Variants in LARGE1 observed in about 807,000 individuals in gnomAD.
LARGE1 encodes the protein LARGE xylosyl- and glucuronyltransferase 1.
LARGE1 carries 43 observed loss-of-function variants against 87.6 expected under a neutral mutation model. The ratio of observed to expected loss-of-function variants is 0.49; its 90% CI spans 0.38 to 0.63. The LOEUF is 0.63. LARGE1 is among the 30% of genes least tolerant of loss of function. The pLI, the probability that LARGE1 is intolerant of heterozygous loss-of-function variation, is 0.00. For missense variants in LARGE1, 802 were observed against 1,000.2 expected, an observed-to-expected ratio of 0.80 and a Z score of 2.67; for synonymous variants, 434 against 394.6, an observed-to-expected ratio of 1.10 and a Z score of -1.18.
the LARGE1 span, among the ~76,000 whole-genome samples, chr22:33,070,502 A>C: frequency 0.39 from 59,180 of 151,754 alleles, 11,873 homozygotes; most frequent in African/African-American, 0.47. Flanking sequence ...CCTAAAGCAA[A>C]CAGCACAGCC....
intron 7 of LARGE1, among the ~76,000 whole-genome samples, chr22:33,395,300 T>C (rs1390744255): frequency 1.3e-5 from 2 of 150,168 alleles, no homozygotes; most frequent in African/African-American, 2.5e-5. Context: ...AAGGAAGCTG[T>C]AGGCCTAGGG....
Position 33,482,956 on chromosome 22 carries a change from A to G in LARGE1, c.788-50691T>C, listed in dbSNP as rs554260801. 2.0e-5 allele frequency among the ~76,000 whole-genome samples: 3 copies of G among 152,162 alleles called. No individual in the cohort carries two copies. The South Asian group carries it at 6.2e-4, about 32-fold the overall frequency. On this transcript the variant is annotated intron_variant, in intron 6 of 14. Coordinates refer to ENST00000397394, the MANE Select transcript of LARGE1 (RefSeq NM_133642.5). Reference sequence around the variant, plus strand: ...CTCTACCTGATGCTGGGAAATCAGGAAAGCAGAGATTGCATGCGGGATGGA... The same window carrying G: ...CTCTACCTGATGCTGGGAAATCAGGGAAGCAGAGATTGCATGCGGGATGGA...
At chr22:33,838,884 G>A (rs2063188265) in intron 1 of LARGE1, among the ~76,000 whole-genome samples, 1 of 151,852 alleles carries the variant, frequency 6.6e-6, no homozygotes, top group South Asian at 2.1e-4. Context: ...TATCAGGGAG[G>A]AAAAAAATGA....
chr22:33,116,736 A>G, the LARGE1 span, among the ~76,000 whole-genome samples: 1 of 152,200 alleles, frequency 6.6e-6, no homozygotes, highest in Non-Finnish European at 1.5e-5. Context: ...TTGAAACAAA[A>G]GGGAACATGA....
In LARGE1 at chr22:33,309,414, G is replaced by A. The variant is rs191383395; in HGVS notation, c.1452-4907C>T. Among the ~76,000 whole-genome samples, 6 of 152,266 alleles carry A rather than the reference G, an allele frequency of 3.9e-5. No homozygotes were observed. In the East Asian group the frequency reaches 1.2e-3, roughly 29 times the overall value. ...GCTCCTGACCTCAGGTGATTTGACT[G>A]CCTTGGCCTCCCAAAGTACTGGGAT... On this transcript the variant is annotated intron_variant, in intron 11 of 14. Coordinates refer to ENST00000397394, the MANE Select transcript of LARGE1 (RefSeq NM_133642.5).
chr22:33,799,695 G>C (rs1243373990), intron 1 of LARGE1, among the ~76,000 whole-genome samples: 1 of 152,164 alleles, frequency 6.6e-6, no homozygotes, highest in Non-Finnish European at 1.5e-5. Context: ...GCCTCCCAAA[G>C]TGCTGGGATT....
chr22:33,760,789 G>A (rs1569431703), intron 2 of LARGE1, among the ~76,000 whole-genome samples: 1 of 152,072 alleles, frequency 6.6e-6, no homozygotes, highest in East Asian at 1.9e-4. Flanking sequence ...GTGTGGTGGC[G>A]GGCACCTGTA....
At position 33,868,100 on chromosome 22, in the gene LARGE1, C is replaced by G. The variant is rs537817176; in HGVS notation, c.-83+51895G>C. Among the ~76,000 whole-genome samples the G allele has an allele frequency of 2.6e-5, 4 of 152,290 alleles. No individual in the cohort carries two copies. The South Asian group carries it at 8.3e-4, about 32-fold the overall frequency. On this transcript the variant is annotated intron_variant, in intron 1 of 14. Coordinates refer to ENST00000397394, the MANE Select transcript of LARGE1 (RefSeq NM_133642.5). ...AAAGAATACAAAGCATATGAAAATT[C>G]AGTGCAAGAATTCATACCAGCAACC...
At chr22:33,369,573 TTTTA>T (rs201824615) in intron 9 of LARGE1, among the ~76,000 whole-genome samples, 1,769 of 152,296 alleles carry the variant, frequency 0.012, 22 homozygotes, top group African/African-American at 0.035. Context: ...TCTTTTTCTT[TTTTA>T]TTTTTGAGAC....
intron 6 of LARGE1, among the ~76,000 whole-genome samples, chr22:33,540,329 T>C (rs992613156): frequency 3.3e-5 from 5 of 152,236 alleles, no homozygotes; most frequent in African/African-American, 1.2e-4. Flanking sequence ...GTGAAGAGTT[T>C]GGAGTTGACT....
chr22:33,476,224 C>T (rs929372246), intron 6 of LARGE1, among the ~76,000 whole-genome samples: 5 of 152,218 alleles, frequency 3.3e-5, no homozygotes, highest in African/African-American at 9.6e-5. Flanking sequence ...CTGAGACAAA[C>T]GCATACCTGG....
chr22:33,370,775 A>G (rs2064777826), intron 9 of LARGE1, among the ~76,000 whole-genome samples: 1 of 150,390 alleles, frequency 6.6e-6, no homozygotes, highest in Admixed American at 6.7e-5. Context: ...TTATTATTGC[A>G]TTATAAATAT....
chr22:33,740,384 G>A (rs2149513703), intron 2 of LARGE1, among the ~76,000 whole-genome samples: 1 of 152,226 alleles, frequency 6.6e-6, no homozygotes. Context: ...TTAAATTCTT[G>A]CTTCCCACCT....
intron 10 of LARGE1, among the ~76,000 whole-genome samples, chr22:33,324,228 C>CAAAAAAAAAA (rs1161508287): frequency 1.9e-4 from 2 of 10,740 alleles, no homozygotes; most frequent in Non-Finnish European, 3.2e-4. Flanking sequence ...GACTCCATCT[C>CAAAAAAAAAA]AAAAAAAAAA....
At chr22:33,269,258 T>C (rs1030346018), downstream of LARGE1, among the ~76,000 whole-genome samples, 2 of 152,248 alleles carry the variant, frequency 1.3e-5, no homozygotes, top group East Asian at 3.8e-4. Context: ...AATTTTCCTG[T>C]TAGTTTTCAA....
At chr22:33,593,375 C>T (rs1394749341) in intron 5 of LARGE1, among the ~76,000 whole-genome samples, 2 of 151,598 alleles carry the variant, frequency 1.3e-5, no homozygotes, top group Non-Finnish European at 2.9e-5. Flanking sequence ...TCCTGCAAAG[C>T]CTATCATTTT....
At chr22:33,585,004 C>T (rs1294324647) in intron 5 of LARGE1, among the ~76,000 whole-genome samples, 1 of 152,130 alleles carries the variant, frequency 6.6e-6, no homozygotes, top group Admixed American at 6.5e-5. Context: ...GTAATCCCAG[C>T]TGCTCCAGAG....
At chr22:33,513,687 G>T (rs2071157481) in intron 6 of LARGE1, among the ~76,000 whole-genome samples, 1 of 152,142 alleles carries the variant, frequency 6.6e-6, no homozygotes, top group Non-Finnish European at 1.5e-5. Context: ...GAAGAGACAA[G>T]AGTTCATTTT....
At chr22:33,892,182 C>T (rs1238176807) in intron 1 of LARGE1, among the ~76,000 whole-genome samples, 1 of 152,134 alleles carries the variant, frequency 6.6e-6, no homozygotes, top group Non-Finnish European at 1.5e-5. Flanking sequence ...TGAGCCATCC[C>T]AAAACCAGTG....
Sources: allele counts gnomAD v4.1 joint callset (sites outside exome capture counted in the v4.1 genomes callset), GRCh38; gene constraint gnomAD v4.1.1; transcripts MANE v1.5; gene names NCBI Gene and HGNC (gene_info 2026-07-23, HGNC 2026-07-21).